SEZ6L: variants seen among roughly 807,000 people sequenced by gnomAD.
SEZ6L encodes the protein seizure 6-like protein.
Under a neutral mutation model 106.2 loss-of-function variants are expected in SEZ6L, and 37 were observed. That is an observed-to-expected ratio of 0.35 (90% CI 0.27 to 0.46). The LOEUF (loss-of-function observed/expected upper bound fraction) is 0.46, where lower values mean the gene tolerates loss of function less well. Among genes scored for constraint, SEZ6L ranks in the 20% least tolerant of loss-of-function variants. The pLI is 1.00. For synonymous variants in SEZ6L, 541 were observed against 570.4 expected (o/e 0.95, Z 0.73); for missense variants, 1,172 against 1,332.8 (o/e 0.88, Z 1.88).
intron 1 of SEZ6L, among the ~76,000 whole-genome samples, chr22:26,274,560 G>A (rs1374945616): frequency 1.3e-5 from 2 of 152,078 alleles, no homozygotes; most frequent in Non-Finnish European, 2.9e-5. Flanking sequence ...GGGTTCAGTG[G>A]TCCCCTGGAC....
At chr22:26,210,502 G>A (rs2078126882) in intron 1 of SEZ6L, among the ~76,000 whole-genome samples, 1 of 152,160 alleles carries the variant, frequency 6.6e-6, no homozygotes, top group African/African-American at 2.4e-5. Flanking sequence ...GAAGGCACTC[G>A]TGTGGTGATA....
At chr22:26,232,488 T>A (rs1253144923) in intron 1 of SEZ6L, among the ~76,000 whole-genome samples, 1 of 152,158 alleles carries the variant, frequency 6.6e-6, no homozygotes, top group Non-Finnish European at 1.5e-5. Flanking sequence ...TACAGCCATG[T>A]GCCGCATAAC....
At chr22:26,203,991 A>G (rs1941145162) in intron 1 of SEZ6L, among the ~76,000 whole-genome samples, 1 of 152,132 alleles carries the variant, frequency 6.6e-6, no homozygotes, top group Non-Finnish European at 1.5e-5. Flanking sequence ...TGGGGGAGAA[A>G]GCTTCCGAAA....
At chr22:26,187,133 G>C (rs1939835782) in intron 1 of SEZ6L, among the ~76,000 whole-genome samples, 1 of 152,200 alleles carries the variant, frequency 6.6e-6, no homozygotes, top group Non-Finnish European at 1.5e-5. Flanking sequence ...ATAAAGGAAA[G>C]AGGTAATTGA....
intron 1 of SEZ6L, among the ~76,000 whole-genome samples, chr22:26,234,489 C>T (rs11703706): frequency 0.21 from 31,330 of 152,116 alleles, 3,558 homozygotes; most frequent in East Asian, 0.42. Context: ...CATTGGTTGA[C>T]GTGCTCCTTG....
chr22:26,279,761 C>T (rs758707390), intron 1 of SEZ6L, among the ~76,000 whole-genome samples: 1 of 152,070 alleles, frequency 6.6e-6, no homozygotes, highest in Non-Finnish European at 1.5e-5. Flanking sequence ...TTGCTAAACG[C>T]CCCCAAACAT....
rs148612174 is a variant in SEZ6L at position 26,293,867 on chromosome 22, G to A, written c.836-425G>A. On this transcript the variant is annotated intron_variant, in intron 2 of 16. Transcript: ENST00000248933. ...AGTCTTCTCTACCATCTTTAAAATG[G>A]GAGAAGGACCCCCAATTGTCAAGCA... 2.5e-3 allele frequency among the ~76,000 whole-genome samples: 380 copies of A among 152,244 alleles called. 1 individual carries two copies. Among genetic ancestry groups the A allele is most frequent in the African/African-American group, 8.6e-3 (356 of 41,538 alleles).
chr22:26,355,164 C>T (rs1480720264), intron 12 of SEZ6L, among the ~76,000 whole-genome samples: 1 of 152,232 alleles, frequency 6.6e-6, no homozygotes, highest in Non-Finnish European at 1.5e-5. Context: ...TGACCTTTTC[C>T]CCAACACTAA....
At chr22:26,313,982 T>C in intron 9 of SEZ6L, 80 bp downstream of exon 9, 1 of 1,427,964 alleles carries the variant, frequency 7.0e-7, no homozygotes, top group Non-Finnish European at 9.8e-7. Context: ...CTTTATTCTT[T>C]CAACCAATAT....
chr22:26,278,930 GAAGAAAGA>G (rs200073408), intron 1 of SEZ6L, among the ~76,000 whole-genome samples: 2 of 127,850 alleles, frequency 1.6e-5, no homozygotes, highest in Non-Finnish European at 3.2e-5. Context: ...AAGGGAAGAA[GAAGAAAGA>G]AAGAAAGAAA....
intron 9 of SEZ6L, among the ~76,000 whole-genome samples, chr22:26,320,010 A>G (rs2082111183): frequency 6.6e-6 from 1 of 152,204 alleles, no homozygotes. Context: ...ATTTTTTAGT[A>G]AGTACAGGTT....
chr22:26,277,258 C>G (rs547090567), intron 1 of SEZ6L, among the ~76,000 whole-genome samples: 6 of 152,214 alleles, frequency 3.9e-5, no homozygotes, highest in African/African-American at 1.2e-4. Context: ...GCCACTGCAC[C>G]CAGACTGAAA....
chr22:26,335,984 G>T (rs1051617980), intron 9 of SEZ6L, among the ~76,000 whole-genome samples: 15 of 152,164 alleles, frequency 9.9e-5, no homozygotes, highest in South Asian at 2.1e-4. Context: ...CTTCCTGCCA[G>T]CCTCCTCAAT....
intron 3 of SEZ6L, among the ~76,000 whole-genome samples, chr22:26,296,558 T>C (rs1285720731): frequency 1.3e-5 from 2 of 152,128 alleles, no homozygotes; most frequent in East Asian, 3.9e-4. Context: ...ACTCACCAGC[T>C]CCAGGATAAT....
At chr22:26,332,225 C>T (rs2082507367) in intron 9 of SEZ6L, among the ~76,000 whole-genome samples, 1 of 148,328 alleles carries the variant, frequency 6.7e-6, no homozygotes, top group Admixed American at 6.7e-5. Flanking sequence ...TCTCGGCTCA[C>T]TGCAACCTCC....
intron 1 of SEZ6L, among the ~76,000 whole-genome samples, chr22:26,179,807 T>C (rs776390665): frequency 8.5e-5 from 13 of 152,206 alleles, no homozygotes; most frequent in Non-Finnish European, 1.8e-4. Flanking sequence ...TCACTCACCA[T>C]AGATCTCTCA....
At chr22:26,315,938 C>T (rs1458530618) in intron 9 of SEZ6L, among the ~76,000 whole-genome samples, 1 of 151,752 alleles carries the variant, frequency 6.6e-6, no homozygotes, top group African/African-American at 2.4e-5. Flanking sequence ...ACCTGTAGTC[C>T]CAGCTACTTG....
intron 1 of SEZ6L, chr22:26,244,337 C>T (rs990293428): frequency 6.6e-6 from 1 of 152,170 alleles, no homozygotes. Flanking sequence ...AAAAACTTAC[C>T]TGCTTCCATT....
chr22:26,264,239 A>C (rs1312231938), intron 1 of SEZ6L, among the ~76,000 whole-genome samples: 1 of 152,218 alleles, frequency 6.6e-6, no homozygotes, highest in African/African-American at 2.4e-5. Context: ...ATATTTGGTA[A>C]CTGTGAGAGT....
Sources: gnomAD v4.1 joint callset for allele counts (sites outside exome capture counted in the v4.1 genomes callset) on GRCh38, gnomAD v4.1.1 for gene constraint, MANE v1.5 for transcripts, NCBI Gene and HGNC (gene_info 2026-07-23, HGNC 2026-07-21) for gene names.